The following MED27 variants were observed in gnomAD, a reference collection of about 807,000 sequenced individuals.
The protein encoded by MED27 is mediator complex subunit 27.
A neutral mutation model predicts 38.2 loss-of-function variants in MED27; 30 were observed. That is an observed-to-expected ratio of 0.79 (90% CI 0.59 to 1.07). The LOEUF is 1.07. MED27 is among the 50% of genes least tolerant of loss of function. MED27 has a pLI of 0.00. For synonymous variants in MED27, 122 were observed against 153.5 expected, an observed-to-expected ratio of 0.79 and a Z score of 1.52; for missense variants, 289 against 397.5, an observed-to-expected ratio of 0.73 and a Z score of 2.32.
chr9:131,890,933 T>A (rs1029431016), intron 5 of MED27, among the ~76,000 whole-genome samples: 1 of 152,240 alleles, frequency 6.6e-6, no homozygotes, highest in Non-Finnish European at 1.5e-5. Context: ...AGTATTTTTA[T>A]TAATTGCAAG....
At chr9:132,001,400 G>GA (rs1228676804) in intron 3 of MED27, among the ~76,000 whole-genome samples, 1 of 151,788 alleles carries the variant, frequency 6.6e-6, no homozygotes, top group Non-Finnish European at 1.5e-5. Context: ...AGCTATAAAG[G>GA]AAAAAACAAT....
Position 131,988,666 on chromosome 9 carries a change from A to AG in MED27, c.479+25670dup, listed in dbSNP as rs796817235. On this transcript the variant is annotated intron_variant, in intron 3 of 7. Coordinates refer to ENST00000292035, the MANE Select transcript of MED27 (RefSeq NM_004269.4). ...TTTTTTTGCGGGGGGATTGGGGGAGAGACCAGGGTCTTCTTACATTGCCCA... is the reference window on the plus strand; with the variant it reads ...TTTTTTTGCGGGGGGATTGGGGGAGAGGACCAGGGTCTTCTTACATTGCCCA... Among the ~76,000 whole-genome samples, 22 of 152,166 alleles carry AG rather than the reference A, an allele frequency of 1.4e-4. No individual in the cohort carries two copies. In the South Asian group the frequency reaches 4.6e-3, roughly 32 times the overall value.
Position 132,000,072 on chromosome 9 carries a change from AAAATCACTTTTGATCAAAAGT to A in MED27, c.479+14244_479+14264del, listed in dbSNP as rs1249163526. On this transcript the variant is annotated intron_variant, in intron 3 of 7. Transcript: ENST00000292035. ...CTGAAAACCTGTATTTCTCAAAAGT[AAAATCACTTTTGATCAAAAGT>A]AAAATCACTTTTGATCAAAAGTAAA... is the stretch of plus-strand genomic sequence containing the variant. 3.4e-3 allele frequency among the ~76,000 whole-genome samples: 251 copies of A among 73,320 alleles called. 1 individual carries two copies. The highest frequency in any genetic ancestry group is 4.3e-3 in the Admixed American group (31 of 7,254). The allele number at this position is 73,320 out of a possible 152,430, so 48.1% of individuals were successfully genotyped here.
In MED27 at chr9:132,016,819, C is replaced by T. The variant is rs193208392; in HGVS notation, c.349-2352G>A. Among the ~76,000 whole-genome samples, 69 of 152,270 alleles carry T rather than the reference C, an allele frequency of 4.5e-4. 1 individual carries two copies. The South Asian group carries it at 0.011, about 24-fold the overall frequency. On this transcript the variant is annotated intron_variant, in intron 2 of 7. Transcript: ENST00000292035. ...GAGTGGCAGGGTGATTTTGCCCACCCGGCATCATTTTGATCATTTGCTCAA... is the reference window on the plus strand; with the variant it reads ...GAGTGGCAGGGTGATTTTGCCCACCTGGCATCATTTTGATCATTTGCTCAA...
At chr9:131,968,719 A>G (rs1831410978) in intron 3 of MED27, among the ~76,000 whole-genome samples, 1 of 152,156 alleles carries the variant, frequency 6.6e-6, no homozygotes, top group Non-Finnish European at 1.5e-5. Flanking sequence ...CTAGAGCAGG[A>G]GTCTCCAACC....
intron 3 of MED27, among the ~76,000 whole-genome samples, chr9:131,948,479 T>C (rs771819642): frequency 7.1e-6 from 1 of 141,306 alleles, no homozygotes; most frequent in Non-Finnish European, 1.5e-5. Flanking sequence ...AGACACTCCG[T>C]CTCAAAAAAA....
At chr9:131,987,763 C>T (rs796750690) in intron 3 of MED27, among the ~76,000 whole-genome samples, 9 of 151,284 alleles carry the variant, frequency 5.9e-5, no homozygotes, top group African/African-American at 2.2e-4. Context: ...AAGAATTATG[C>T]GTGAAACTGG....
chr9:131,991,007 G>A (rs151147444), intron 3 of MED27, among the ~76,000 whole-genome samples: 195 of 152,332 alleles, frequency 1.3e-3, no homozygotes, highest in Non-Finnish European at 2.1e-3. Flanking sequence ...GACAGGACTA[G>A]CTATGCTAAA....
intron 2 of MED27, among the ~76,000 whole-genome samples, chr9:132,038,159 C>T (rs182505036): frequency 4.0e-5 from 6 of 151,738 alleles, no homozygotes; most frequent in African/African-American, 1.2e-4. Context: ...TATTTATGGG[C>T]CAATCGCTAA....
At chr9:131,963,847 C>G (rs939847800) in intron 3 of MED27, among the ~76,000 whole-genome samples, 1 of 152,042 alleles carries the variant, frequency 6.6e-6, no homozygotes, top group Non-Finnish European at 1.5e-5. Flanking sequence ...CCTGACAACC[C>G]GGAGAAAATG....
intron 2 of MED27, 41 bp downstream of exon 2, chr9:132,077,401 G>A (rs761713006): frequency 1.3e-6 from 2 of 1,576,506 alleles, no homozygotes; most frequent in Admixed American, 1.8e-5. Context: ...AAGAAAACTT[G>A]GTTTTCCATA....
At position 131,962,532 on chromosome 9, in the gene MED27, C is replaced by T. The variant is rs114298532; in HGVS notation, c.480-23058G>A. Among the ~76,000 whole-genome samples the T allele has an allele frequency of 2.4e-3, 322 of 134,626 alleles. 1 individual carries two copies. Among genetic ancestry groups the T allele is most frequent in the African/African-American group, 9.2e-3 (306 of 33,214 alleles). 88.3% of individuals were successfully genotyped at this position (134,626 alleles called of 152,430 possible). On this transcript the variant is annotated intron_variant, in intron 3 of 7. Transcript: ENST00000292035. ...GGGACTACAGGTGTGAGCCATTGTG[C>T]CTGGCGTGTGATTTTTTTTTTTTTG...
intron 6 of MED27, among the ~76,000 whole-genome samples, chr9:131,871,170 G>A (rs1419786205): frequency 4.6e-5 from 7 of 152,118 alleles, no homozygotes; most frequent in Non-Finnish European, 1.0e-4. Flanking sequence ...CCCCGGATTC[G>A]GTGCTCACCC....
intron 3 of MED27, among the ~76,000 whole-genome samples, chr9:131,954,933 A>G (rs1375935206): frequency 6.6e-6 from 1 of 152,228 alleles, no homozygotes; most frequent in East Asian, 1.9e-4. Context: ...AAGTAGACAG[A>G]AAGTCAGTAA....
rs189308276 is a variant in MED27, at chr9:131,974,258, G to A, written c.480-34784C>T. On this transcript the variant is annotated intron_variant, in intron 3 of 7. Transcript: ENST00000292035. ...TGTTATAAATGCATTGTCCTGTTTC[G>A]GTTAGTTAAATTAGTTCTACTGTTA... is the stretch of plus-strand genomic sequence containing the variant. Among the ~76,000 whole-genome samples, 470 of 152,216 alleles carry A rather than the reference G, an allele frequency of 3.1e-3. 1 individual carries two copies. The highest frequency in any genetic ancestry group is 0.01 in the Middle Eastern group (3 of 294).
chr9:132,079,558 C>T, intron 1 of MED27, 84 bp downstream of exon 1: 1 of 1,289,312 alleles, frequency 7.8e-7, no homozygotes, highest in Non-Finnish European at 1.1e-6. Context: ...GAGAACAGCC[C>T]CTGCCTGGGA....
chr9:131,982,217 C>T lies in MED27; in HGVS notation c.479+32120G>A, dbSNP rs1376018205. On this transcript the variant is annotated intron_variant, in intron 3 of 7. Transcript: ENST00000292035. The surrounding 1 kb of genome is among the most constrained non-coding windows in gnomAD (Gnocchi z 4.3). Reference sequence around the variant, plus strand: ...TGGTGTCAGTTCCAGGCCTAAGCCCCAAGAATGCTTGGCAGCTTTTGCTTT... The same window carrying T: ...TGGTGTCAGTTCCAGGCCTAAGCCCTAAGAATGCTTGGCAGCTTTTGCTTT... Among the ~76,000 whole-genome samples the T allele has an allele frequency of 1.3e-5, 2 of 152,206 alleles. No individual in the cohort carries two copies. Among genetic ancestry groups the T allele is most frequent in the East Asian group, 3.9e-4 (2 of 5,192 alleles).
intron 4 of MED27, among the ~76,000 whole-genome samples, chr9:131,911,592 T>C (rs1830188974): frequency 6.6e-6 from 1 of 152,214 alleles, no homozygotes; most frequent in East Asian, 1.9e-4. Context: ...GAACATCTGT[T>C]ATTTGCAGGA....
rs117950673 is a variant in MED27, at chr9:131,883,699, T to C, written c.723+359A>G. 6.6e-6 allele frequency among the ~76,000 whole-genome samples: 1 copy of C among 152,284 alleles called. No homozygotes were observed. Among genetic ancestry groups the C allele is most frequent in the Non-Finnish European group, 1.5e-5 (1 of 68,020 alleles). On this transcript the variant is annotated intron_variant, in intron 6 of 7. Transcript: ENST00000292035. The surrounding 1 kb of genome is among the most constrained non-coding windows in gnomAD (Gnocchi z 4.2). ...ACCTATGGTTTTCCTAAGGTATAATTTACATACAATATGACTGCCCCTTTG... is the reference window on the plus strand; with the variant it reads ...ACCTATGGTTTTCCTAAGGTATAATCTACATACAATATGACTGCCCCTTTG...
Sources: allele counts gnomAD v4.1 joint callset (sites outside exome capture counted in the v4.1 genomes callset), GRCh38; gene constraint gnomAD v4.1.1; non-coding constraint Gnocchi (gnomAD v3.1); transcripts MANE v1.5; gene names NCBI Gene and HGNC (gene_info 2026-07-23, HGNC 2026-07-21).